The following CYSLTR2 variants were observed in gnomAD, a reference collection of about 807,000 sequenced individuals.
CYSLTR2 encodes the protein G-protein coupled receptor GPCR21.
For synonymous variants in CYSLTR2, 179 were observed against 160.8 expected (o/e 1.11, Z -0.86); for missense variants, 398 against 411.9 (o/e 0.97, Z 0.29).
chr13:48,691,193 C>T lies in CYSLTR2; in HGVS notation c.-265-19C>T, dbSNP rs185027075. The T allele has an allele frequency of 2.2e-3, 328 of 151,908 alleles. No homozygotes were observed. The highest frequency in any genetic ancestry group is 7.7e-3 in the African/African-American group (319 of 41,488). 9.4% of individuals were successfully genotyped at this position (151,908 alleles called of 1,614,324 possible). On this transcript the variant is annotated intron_variant, in intron 1 of 4. Transcript: ENST00000682523. ...TACTAGGCAAATTTTACTTTTTGTT[C>T]GTTTGTTTGTTTTTTCAGTCTGAAC... is the stretch of plus-strand genomic sequence containing the variant.
chr13:48,706,809 T>C lies in CYSLTR2; in HGVS notation c.-1-8T>C, dbSNP rs202038922. The C allele has an allele frequency of 3.1e-6, 5 of 1,592,926 alleles. No individual in the cohort carries two copies. The highest frequency in any genetic ancestry group is 3.4e-6 in the Non-Finnish European group (4 of 1,170,268). On this transcript the variant is annotated splice_polypyrimidine_tract_variant and splice_region_variant and intron_variant, in intron 4 of 4. Coordinates refer to ENST00000682523, the MANE Select transcript of CYSLTR2 (RefSeq NM_001308476.3). ...GTAACTTTTTGTGTCTGTTTCTTTT[T>C]AACCCAGCATGGAGAGAAAATTTAT...
In CYSLTR2 at chr13:48,668,245, A is replaced by G. The variant is rs550608104; in HGVS notation, c.-266+14228A>G. Among the ~76,000 whole-genome samples, 54 of 152,192 alleles carry G rather than the reference A, an allele frequency of 3.5e-4. 1 individual carries two copies. The South Asian group carries it at 5.4e-3, about 15-fold the overall frequency. On this transcript the variant is annotated intron_variant, in intron 1 of 4. Transcript: ENST00000682523. Reference sequence around the variant, plus strand: ...AAGTGCCATAGGGATAAAAAAAAAAAAGAGAGACCCACGGGAAATGTCAGT... The same window carrying G: ...AAGTGCCATAGGGATAAAAAAAAAAGAGAGAGACCCACGGGAAATGTCAGT...
chr13:48,668,662 G>T (rs1399619011), intron 1 of CYSLTR2, among the ~76,000 whole-genome samples: 1 of 151,632 alleles, frequency 6.6e-6, no homozygotes, highest in Non-Finnish European at 1.5e-5. Context: ...GAATGTACAG[G>T]TTTGATACAT....
At position 48,692,946 on chromosome 13, in the gene CYSLTR2, G is replaced by A. The variant is rs75557876; in HGVS notation, c.-175-492G>A. ...TTTAGAAATTGTGTAGGCATCCAAAGGATTATTATCAATTAACCATTGTCT... is the reference window on the plus strand; with the variant it reads ...TTTAGAAATTGTGTAGGCATCCAAAAGATTATTATCAATTAACCATTGTCT... On this transcript the variant is annotated intron_variant, in intron 2 of 4. Transcript: ENST00000682523. 5.1e-3 allele frequency among the ~76,000 whole-genome samples: 771 copies of A among 151,702 alleles called. 5 individuals carry two copies. Among genetic ancestry groups the A allele is most frequent in the African/African-American group, 0.017 (722 of 41,472 alleles).
rs376466379 is a variant in CYSLTR2 at position 48,670,935 on chromosome 13, G to A, written c.-266+16918G>A. ...GCATGGAATGTTCTTCCATTTGTTTGTGTCCTCTCTTATTTCCTTGAGCAG... is the reference window on the plus strand; with the variant it reads ...GCATGGAATGTTCTTCCATTTGTTTATGTCCTCTCTTATTTCCTTGAGCAG... On this transcript the variant is annotated intron_variant, in intron 1 of 4. Coordinates refer to ENST00000682523, the MANE Select transcript of CYSLTR2 (RefSeq NM_001308476.3). Among the ~76,000 whole-genome samples, 9 of 152,262 alleles carry A rather than the reference G, an allele frequency of 5.9e-5. No homozygotes were observed. The East Asian group carries it at 1.5e-3, about 26-fold the overall frequency.
chr13:48,687,845 TAAG>T (rs1779630286), intron 1 of CYSLTR2, among the ~76,000 whole-genome samples: 2 of 152,244 alleles, frequency 1.3e-5, no homozygotes, highest in Admixed American at 1.3e-4. Flanking sequence ...TATGTCCACA[TAAG>T]AAGGACTGTC....
chr13:48,679,165 T>A (rs1456055247), intron 1 of CYSLTR2, among the ~76,000 whole-genome samples: 1 of 152,088 alleles, frequency 6.6e-6, no homozygotes, highest in Non-Finnish European at 1.5e-5. Context: ...CTTGGGGCCT[T>A]TGTAAATCGT....
At chr13:48,656,749 C>T (rs769867661) in intron 1 of CYSLTR2, among the ~76,000 whole-genome samples, 4 of 152,166 alleles carry the variant, frequency 2.6e-5, no homozygotes, top group Non-Finnish European at 4.4e-5. Flanking sequence ...CTCTGTGCAC[C>T]AGATATCTGA....
intron 4 of CYSLTR2, among the ~76,000 whole-genome samples, chr13:48,702,696 C>T (rs950541733): frequency 6.6e-6 from 1 of 152,194 alleles, no homozygotes; most frequent in East Asian, 1.9e-4. Flanking sequence ...ATTACTTTAA[C>T]TATAAAATAA....
In CYSLTR2 at chr13:48,710,136, A is replaced by G. The variant is rs536095265; in HGVS notation, c.*2278A>G. ...AATATTTACATAGAGGATAATGTGAATATAATAGTCTCCCATTATCTGTGG... is the reference window on the plus strand; with the variant it reads ...AATATTTACATAGAGGATAATGTGAGTATAATAGTCTCCCATTATCTGTGG... On this transcript the variant is annotated 3_prime_UTR_variant, in exon 5 of 5. Coordinates refer to ENST00000682523, the MANE Select transcript of CYSLTR2 (RefSeq NM_001308476.3). The G allele has an allele frequency of 7.9e-5, 12 of 152,400 alleles. No individual in the cohort carries two copies. In the South Asian group the frequency reaches 2.1e-3, roughly 26 times the overall value. 9.4% of individuals were successfully genotyped at this position (152,400 alleles called of 1,614,324 possible). A position where few individuals can be genotyped will look rare whatever the true frequency, so the allele number is the denominator to read the frequency against.
intron 1 of CYSLTR2, among the ~76,000 whole-genome samples, chr13:48,654,627 T>C (rs1952958992): frequency 6.6e-6 from 1 of 152,148 alleles, no homozygotes; most frequent in South Asian, 2.1e-4. Flanking sequence ...ATGGTTTTGC[T>C]CAGAGGCACA....
chr13:48,701,164 C>T (rs879084656), intron 4 of CYSLTR2, among the ~76,000 whole-genome samples: 2 of 152,146 alleles, frequency 1.3e-5, no homozygotes, highest in African/African-American at 4.8e-5. Context: ...AAAAAGAGCC[C>T]GCATTGCCAA....
chr13:48,672,782 T>C (rs1288529263), intron 1 of CYSLTR2, among the ~76,000 whole-genome samples: 1 of 152,038 alleles, frequency 6.6e-6, no homozygotes, highest in Non-Finnish European at 1.5e-5. Flanking sequence ...CACGCCCGGC[T>C]AATTTTATTA....
chr13:48,673,433 C>CTTTTTTTTTTTTTTTTTTTTTTT (rs61699943), intron 1 of CYSLTR2, among the ~76,000 whole-genome samples: 2 of 48,278 alleles, frequency 4.1e-5, no homozygotes, highest in Non-Finnish European at 7.3e-5. Context: ...GTAACCCCGG[C>CTTTTTTTTTTTTTTTTTTTTTTT]TTTTTTTTTT....
At chr13:48,690,219 C>T (rs1372103899) in intron 1 of CYSLTR2, among the ~76,000 whole-genome samples, 1 of 152,152 alleles carries the variant, frequency 6.6e-6, no homozygotes, top group East Asian at 1.9e-4. Context: ...TTGACTTCCT[C>T]TCTTCCTATT....
chr13:48,698,605 T>C (rs1469164516), intron 4 of CYSLTR2, among the ~76,000 whole-genome samples: 1 of 152,176 alleles, frequency 6.6e-6, no homozygotes, highest in Admixed American at 6.5e-5. Flanking sequence ...AGGAAGAAAC[T>C]GCATCAACTA....
chr13:48,683,539 T>C (rs1384347181), intron 1 of CYSLTR2, among the ~76,000 whole-genome samples: 2 of 152,224 alleles, frequency 1.3e-5, no homozygotes, highest in Admixed American at 6.5e-5. Context: ...TGTCTTCTTT[T>C]GAAAAGTTTC....
intron 4 of CYSLTR2, among the ~76,000 whole-genome samples, chr13:48,701,974 T>C (rs1330248402): frequency 6.6e-6 from 1 of 152,210 alleles, no homozygotes; most frequent in African/African-American, 2.4e-5. Context: ...ATGTTTATTG[T>C]GGCACTATTC....
chr13:48,682,046 G>A (rs2138898398), intron 1 of CYSLTR2, among the ~76,000 whole-genome samples: 1 of 152,264 alleles, frequency 6.6e-6, no homozygotes, highest in East Asian at 1.9e-4. Context: ...AAACCTTTAT[G>A]TAAAAATTCC....
Sources: allele counts gnomAD v4.1 joint callset (sites outside exome capture counted in the v4.1 genomes callset), GRCh38; gene constraint gnomAD v4.1.1; transcripts MANE v1.5; gene names NCBI Gene and HGNC (gene_info 2026-07-23, HGNC 2026-07-21).